The following SYNE1 variants were observed in gnomAD, a reference collection of about 807,000 sequenced individuals.
SYNE1 encodes spectrin repeat containing nuclear envelope protein 1, also known as nesprin-1.
SYNE1 carries 616 observed loss-of-function variants against 1,111.0 expected under a neutral mutation model. That is an observed-to-expected ratio of 0.55 (90% CI 0.52 to 0.59). The LOEUF is 0.59. Among genes scored for constraint, SYNE1 ranks in the 20% least tolerant of loss-of-function variants. SYNE1 has a pLI of 0.00. For missense variants in SYNE1, 10,006 were observed against 10,417.0 expected, an observed-to-expected ratio of 0.96 and a Z score of 1.72; for synonymous variants, 3,855 against 3,825.8, an observed-to-expected ratio of 1.01 and a Z score of -0.28.
At chr6:152,142,435 TA>T (rs548394588) in intron 138 of SYNE1, among the ~76,000 whole-genome samples, 4 of 152,046 alleles carry the variant, frequency 2.6e-5, no homozygotes, top group African/African-American at 2.4e-5. Flanking sequence ...AGCTGTTTTA[TA>T]AAAAAAATGT....
At chr6:152,629,194 C>A (rs2099692636) in intron 2 of SYNE1, among the ~76,000 whole-genome samples, 1 of 151,810 alleles carries the variant, frequency 6.6e-6, no homozygotes, top group Admixed American at 6.6e-5. Context: ...CTTCTAAATT[C>A]TCTGCATTGG....
intron 65 of SYNE1, 71 bp downstream of exon 65, chr6:152,359,244 G>A (rs2096890859): frequency 6.3e-7 from 1 of 1,595,276 alleles, no homozygotes; most frequent in African/African-American, 1.3e-5. Context: ...GAACATAAAT[G>A]AGTCTTTAAA....
chr6:152,369,445 G>A, intron 60 of SYNE1, 26 bp downstream of exon 60: 2 of 1,614,030 alleles, frequency 1.2e-6, no homozygotes, highest in African/African-American at 1.3e-5. Flanking sequence ...AGGTCAGATG[G>A]GGCTACGGGG....
chr6:152,570,571 C>A (rs2099447256), intron 3 of SYNE1, among the ~76,000 whole-genome samples: 1 of 152,136 alleles, frequency 6.6e-6, no homozygotes, highest in Admixed American at 6.5e-5. Context: ...TTGCTGAGGC[C>A]ACGTTGGATC....
In SYNE1 at chr6:152,484,929, T is replaced by G; in HGVS notation, c.1091A>C (p.Gln364Pro). Residue 364 changes from glutamine to proline, a missense_variant, in exon 13 of 146, where the codon CAG becomes CCG. By Grantham distance (76) the Gln-to-Pro change is moderately conservative. Around this residue, in one of 7 missense-constraint regions of SYNE1, gnomAD observed 1,971 missense variants for 2,084.1 expected, o/e 0.95. Transcript: ENST00000367255. The part of the protein sequence containing the change: ...FRVQYEMKRK[Q>P]IEHLIQPLHR... ...TAATGGTTGTATTAAATGTTCAATC[T>G]GTTTCCTCTTCATTTCATATTGAAC... 7 of 1,613,486 alleles carry G rather than the reference T, an allele frequency of 4.3e-6. No homozygotes were observed. Among genetic ancestry groups the G allele is most frequent in the Non-Finnish European group, 5.1e-6 (6 of 1,179,784 alleles).
intron 2 of SYNE1, among the ~76,000 whole-genome samples, chr6:152,632,873 C>T (rs376892726): frequency 1.3e-4 from 20 of 152,154 alleles, no homozygotes; most frequent in Admixed American, 5.2e-4. Context: ...TTCCATTTTC[C>T]TTCCCCTGTT....
At chr6:152,436,598 G>A (rs943557187) in intron 32 of SYNE1, among the ~76,000 whole-genome samples, 1 of 152,186 alleles carries the variant, frequency 6.6e-6, no homozygotes, top group East Asian at 1.9e-4. Flanking sequence ...ACCATGCCTG[G>A]CTAACTTTTT....
At chr6:152,463,163 A>G (rs1179845795) in intron 19 of SYNE1, among the ~76,000 whole-genome samples, 190 bp downstream of exon 19, 1 of 152,196 alleles carries the variant, frequency 6.6e-6, no homozygotes, top group Non-Finnish European at 1.5e-5. Context: ...AAACTAATGC[A>G]TTTGTGTAAT....
At chr6:152,365,127 G>T in intron 62 of SYNE1, 108 bp from the exon 63 acceptor site, 3 of 1,397,194 alleles carry the variant, frequency 2.1e-6, no homozygotes, top group Non-Finnish European at 3.0e-6. Context: ...ATTGTGCCCA[G>T]CCCTGGAGCT....
At chr6:152,439,663 A>G (rs2098509996) in intron 32 of SYNE1, among the ~76,000 whole-genome samples, 1 of 152,220 alleles carries the variant, frequency 6.6e-6, no homozygotes. Context: ...AAAAATTAGC[A>G]GTATGGGAGA....
chr6:152,610,035 G>A (rs998692831), intron 3 of SYNE1, among the ~76,000 whole-genome samples: 10 of 152,184 alleles, frequency 6.6e-5, no homozygotes, highest in African/African-American at 2.4e-4. Flanking sequence ...ACAAAGATGG[G>A]GAGAAACCAG....
At chr6:152,430,262 AC>A (rs1232196921) in intron 35 of SYNE1, 52 bp from the exon 36 acceptor site, 3 of 1,454,504 alleles carry the variant, frequency 2.1e-6, no homozygotes, top group South Asian at 1.2e-5. Context: ...ACATAGCAAG[AC>A]AAAAAAAAAA....
chr6:152,159,511 T>C (rs1277180990), intron 131 of SYNE1, among the ~76,000 whole-genome samples: 9 of 152,338 alleles, frequency 5.9e-5, no homozygotes, highest in Admixed American at 6.5e-5. Context: ...GACTAGCAGG[T>C]TCTGAAGAAA....
rs769712232 is a variant in SYNE1 at position 152,268,079 on chromosome 6, C to T, written c.18792G>A (p.Ala6264=). 27 of 1,613,898 alleles carry T rather than the reference C, an allele frequency of 1.7e-5. No individual in the cohort carries two copies. The South Asian group carries it at 2.1e-4, about 12-fold the overall frequency. ...ACCCAGCATCACCAGAGGTCTCTGC[C>T]GCCGAATGTTGAATTAGAATCTCCT... The part of the protein sequence containing the change: ...RGEEILIQHS[A]AETSGDAGEK... The change falls in exon 100 of 146, where the codon GCG becomes GCA. Residue 6264 remains alanine, a synonymous_variant. Transcript: ENST00000367255.
At chr6:152,506,929 A>G (rs901148234) in intron 8 of SYNE1, among the ~76,000 whole-genome samples, 1 of 152,166 alleles carries the variant, frequency 6.6e-6, no homozygotes. Flanking sequence ...AACATGTTTT[A>G]CCAATGTACA....
At chr6:152,589,228 C>G (rs1583007199) in intron 3 of SYNE1, among the ~76,000 whole-genome samples, 5 of 151,980 alleles carry the variant, frequency 3.3e-5, no homozygotes, top group Admixed American at 1.3e-4. Context: ...TCTAATCCTT[C>G]CTTTTAGTGG....
intron 129 of SYNE1, among the ~76,000 whole-genome samples, chr6:152,177,284 G>A (rs899985484): frequency 6.6e-6 from 1 of 152,102 alleles, no homozygotes; most frequent in Non-Finnish European, 1.5e-5. Context: ...AGATAAGCAC[G>A]AAATGGTGTG....
At chr6:152,254,803 T>C (rs2090421518) in intron 104 of SYNE1, 77 bp downstream of exon 104, 3 of 1,316,424 alleles carry the variant, frequency 2.3e-6, no homozygotes, top group Admixed American at 1.9e-5. Flanking sequence ...CAACCAGGTC[T>C]GTAACACAGA....
In SYNE1 at chr6:152,385,550, A is replaced by C. The variant is rs1193208347; in HGVS notation, c.8652+124T>G. 3 of 1,027,342 alleles carry C rather than the reference A, an allele frequency of 2.9e-6. No homozygotes were observed. The African/African-American group carries it at 4.8e-5, about 16-fold the overall frequency. The allele number at this position is 1,027,342 out of a possible 1,614,324, so 63.6% of individuals were successfully genotyped here. A position where few individuals can be genotyped will look rare whatever the true frequency, so the allele number is the denominator to read the frequency against. Reference sequence around the variant, plus strand: ...CTCTTGTTTATGTGTAGAATCAGTGAGGCATCAAATAGAAAACAGGAAGGA... The same window carrying C: ...CTCTTGTTTATGTGTAGAATCAGTGCGGCATCAAATAGAAAACAGGAAGGA... On this transcript the variant is annotated intron_variant, in intron 55 of 145. Coordinates refer to ENST00000367255, the MANE Select transcript of SYNE1 (RefSeq NM_182961.4).
Sources: allele counts gnomAD v4.1 joint callset (sites outside exome capture counted in the v4.1 genomes callset), GRCh38; gene constraint gnomAD v4.1.1; regional missense constraint gnomAD v4.1.1; transcripts MANE v1.5; gene names NCBI Gene and HGNC (gene_info 2026-07-23, HGNC 2026-07-21).